Variants in OSBP2 observed in about 807,000 individuals in gnomAD.
The protein encoded by OSBP2 is oxysterol binding protein 2.
A neutral mutation model predicts 96.0 loss-of-function variants in OSBP2; 66 were observed. That is an observed-to-expected ratio of 0.69 (90% CI 0.56 to 0.84). The LOEUF (loss-of-function observed/expected upper bound fraction) is 0.84, where lower values mean the gene tolerates loss of function less well. OSBP2 is among the 40% of genes least tolerant of loss of function. OSBP2 has a pLI of 0.00. For synonymous variants in OSBP2, 525 were observed against 520.9 expected, an observed-to-expected ratio of 1.01 and a Z score of -0.11; for missense variants, 1,038 against 1,222.7, an observed-to-expected ratio of 0.85 and a Z score of 2.25.
At chr22:30,741,107 C>A in intron 1 of OSBP2, 54 bp from the exon 2 acceptor site, 1 of 1,388,616 alleles carries the variant, frequency 7.2e-7, no homozygotes, top group Non-Finnish European at 1.0e-6. Context: ...TTTCTTTAGT[C>A]TGGAGCCATT....
At chr22:30,809,507 G>A (rs963322959) in intron 2 of OSBP2, among the ~76,000 whole-genome samples, 7 of 152,190 alleles carry the variant, frequency 4.6e-5, no homozygotes, top group African/African-American at 1.4e-4. Context: ...ACCAGGGAGC[G>A]AAAGCCAGGC....
intron 4 of OSBP2, among the ~76,000 whole-genome samples, chr22:30,887,845 G>T (rs543161811): frequency 6.6e-6 from 1 of 152,318 alleles, no homozygotes; most frequent in South Asian, 2.1e-4. Context: ...AATTTAATGA[G>T]CCCAGCTGTC....
At chr22:30,879,492 G>A (rs577335439) in intron 3 of OSBP2, among the ~76,000 whole-genome samples, 1 of 152,356 alleles carries the variant, frequency 6.6e-6, no homozygotes, top group East Asian at 1.9e-4. Context: ...GACTGGGAAG[G>A]GCTGAAACCC....
At chr22:30,893,601 CG>C in intron 10 of OSBP2, 35 bp downstream of exon 10, 1 of 1,612,902 alleles carries the variant, frequency 6.2e-7, no homozygotes, top group Non-Finnish European at 8.5e-7. Context: ...GTGCATGGCC[CG>C]GGGGCTGGCC....
chr22:30,758,029 G>A (rs1602223938), intron 2 of OSBP2, among the ~76,000 whole-genome samples: 1 of 152,192 alleles, frequency 6.6e-6, no homozygotes. Context: ...GACAGCAAGA[G>A]TGAGTCTTTT....
intron 2 of OSBP2, among the ~76,000 whole-genome samples, chr22:30,750,154 AG>A (rs1457416209): frequency 2.0e-5 from 3 of 152,204 alleles, no homozygotes; most frequent in African/African-American, 7.2e-5. Flanking sequence ...CAGTGTGGAC[AG>A]AACAGTGGGC....
intron 2 of OSBP2, among the ~76,000 whole-genome samples, chr22:30,809,890 A>G (rs1018239712): frequency 6.6e-6 from 1 of 152,148 alleles, no homozygotes; most frequent in Non-Finnish European, 1.5e-5. Context: ...AAGGAGAAGG[A>G]GAAACTGCAG....
In OSBP2 at chr22:30,887,620, T is replaced by G; in HGVS notation, c.1300+2T>G. On this transcript the variant is annotated splice_donor_variant, in intron 4 of 13. Transcript: ENST00000332585. LOFTEE classifies it high-confidence loss of function. ...ACCCCTCCAAGAGCTTCATTGAGGG[T>G]GAGTGGGCAGCCAGGGCAGGGCTGT... The G allele has an allele frequency of 6.3e-7, 1 of 1,588,578 alleles. No homozygotes were observed. Among genetic ancestry groups the G allele is most frequent in the Non-Finnish European group, 8.6e-7 (1 of 1,168,542 alleles).
At chr22:30,880,573 G>T (rs1308535846) in intron 3 of OSBP2, among the ~76,000 whole-genome samples, 1 of 152,172 alleles carries the variant, frequency 6.6e-6, no homozygotes, top group Non-Finnish European at 1.5e-5. Flanking sequence ...CTGTCTAGAA[G>T]GGAAGTTTCC....
At chr22:30,788,943 C>G (rs1166912434) in intron 2 of OSBP2, among the ~76,000 whole-genome samples, 1 of 152,146 alleles carries the variant, frequency 6.6e-6, no homozygotes, top group Non-Finnish European at 1.5e-5. Context: ...AAACTCCTGA[C>G]CTCAGGTGAT....
intron 1 of OSBP2, among the ~76,000 whole-genome samples, chr22:30,718,527 G>A (rs1029346452): frequency 6.6e-6 from 1 of 152,178 alleles, no homozygotes; most frequent in African/African-American, 2.4e-5. Context: ...CAAAGGACTC[G>A]GGAAATGTCT....
chr22:30,747,699 GCT>G (rs2090022211), intron 2 of OSBP2, among the ~76,000 whole-genome samples: 1 of 152,000 alleles, frequency 6.6e-6, no homozygotes, highest in African/African-American at 2.4e-5. Context: ...ACTGGGCTCA[GCT>G]CTGCTTCAGG....
chr22:30,822,645 C>T, intron 2 of OSBP2: 1 of 1,533,514 alleles, frequency 6.5e-7, no homozygotes, highest in Non-Finnish European at 8.7e-7. Flanking sequence ...AGGGACGCGG[C>T]TGCTGGGACA....
rs1216672303 is a variant in OSBP2 at position 30,814,579 on chromosome 22, T to C, written c.854-55850T>C. 4.6e-5 allele frequency among the ~76,000 whole-genome samples: 7 copies of C among 151,992 alleles called. No homozygotes were observed. In the East Asian group the frequency reaches 7.8e-4, roughly 17 times the overall value. On this transcript the variant is annotated intron_variant, in intron 2 of 13. Coordinates refer to ENST00000332585, the MANE Select transcript of OSBP2 (RefSeq NM_030758.4). ...TTGAGTAGCTGGGACTACAGGCACATGCCACCACTCTCAGCTATTTTTGTA... is the reference window on the plus strand; with the variant it reads ...TTGAGTAGCTGGGACTACAGGCACACGCCACCACTCTCAGCTATTTTTGTA...
chr22:30,702,896 T>G (rs765532728), intron 1 of OSBP2, among the ~76,000 whole-genome samples: 3 of 152,200 alleles, frequency 2.0e-5, no homozygotes, highest in Non-Finnish European at 4.4e-5. Flanking sequence ...GTAGCTTGGT[T>G]TGTCTGTTAA....
chr22:30,891,148 G>A (rs2039939421), intron 8 of OSBP2, among the ~76,000 whole-genome samples, 175 bp downstream of exon 8: 1 of 152,260 alleles, frequency 6.6e-6, no homozygotes, highest in African/African-American at 2.4e-5. Context: ...GGCAGGGGCA[G>A]GCACACGGCC....
intron 2 of OSBP2, among the ~76,000 whole-genome samples, chr22:30,808,301 G>T (rs2090958371): frequency 6.6e-6 from 1 of 152,068 alleles, no homozygotes; most frequent in African/African-American, 2.4e-5. Context: ...AGGAGTGCAA[G>T]GCCAGCCCAG....
At chr22:30,762,918 C>A (rs1325187424) in intron 2 of OSBP2, among the ~76,000 whole-genome samples, 1 of 152,184 alleles carries the variant, frequency 6.6e-6, no homozygotes, top group Non-Finnish European at 1.5e-5. Flanking sequence ...CTAGAAGCTT[C>A]AATTCTGTGC....
chr22:30,806,613 G>C (rs1285150138), intron 2 of OSBP2, among the ~76,000 whole-genome samples: 1 of 152,140 alleles, frequency 6.6e-6, no homozygotes, highest in African/African-American at 2.4e-5. Flanking sequence ...TGGAGGTGTT[G>C]GGGGGAGGAG....
Sources: allele counts gnomAD v4.1 joint callset (sites outside exome capture counted in the v4.1 genomes callset), GRCh38; gene constraint gnomAD v4.1.1; transcripts MANE v1.5; gene names NCBI Gene and HGNC (gene_info 2026-07-23, HGNC 2026-07-21).